Variants in MAPKAP1 observed in about 807,000 individuals in gnomAD.
MAPKAP1 encodes target of rapamycin complex 2 subunit MAPKAP1.
In MAPKAP1, 20 loss-of-function variants were observed where a neutral mutation model predicts 65.7. The ratio of observed to expected loss-of-function variants is 0.30; its 90% CI spans 0.21 to 0.44. MAPKAP1 has a LOEUF of 0.44. Ranked by LOEUF, MAPKAP1 falls within the 20% of genes least tolerant of loss-of-function variation. The pLI is 1.00. For synonymous variants in MAPKAP1, 222 were observed against 244.3 expected, an observed-to-expected ratio of 0.91 and a Z score of 0.85; for missense variants, 423 against 648.0, an observed-to-expected ratio of 0.65 and a Z score of 3.77.
intron 4 of MAPKAP1, among the ~76,000 whole-genome samples, chr9:125,589,511 A>G (rs1221597708): frequency 1.3e-5 from 2 of 152,184 alleles, no homozygotes; most frequent in African/African-American, 4.8e-5. Flanking sequence ...AGTAAATGTT[A>G]GTTTTCTCCA....
intron 6 of MAPKAP1, among the ~76,000 whole-genome samples, chr9:125,544,864 G>T (rs1335797770): frequency 6.6e-6 from 1 of 152,186 alleles, no homozygotes; most frequent in Non-Finnish European, 1.5e-5. Flanking sequence ...GCCTAGGTTG[G>T]ACCCAACTAG....
chr9:125,635,768 AAGG>A (rs1833405124), intron 4 of MAPKAP1, among the ~76,000 whole-genome samples: 1 of 152,210 alleles, frequency 6.6e-6, no homozygotes, highest in South Asian at 2.1e-4. Context: ...TCTGATTTTT[AAGG>A]TAAGTCTTTA....
chr9:125,485,171 T>A (rs1854458280), intron 8 of MAPKAP1, among the ~76,000 whole-genome samples: 1 of 152,330 alleles, frequency 6.6e-6, no homozygotes, highest in African/African-American at 2.4e-5. Flanking sequence ...TGGCTGTCTA[T>A]TGATAGACAT....
intron 3 of MAPKAP1, among the ~76,000 whole-genome samples, chr9:125,669,426 G>A (rs1469849528): frequency 6.6e-6 from 1 of 152,200 alleles, no homozygotes; most frequent in Non-Finnish European, 1.5e-5. Context: ...GCTGCAGTGA[G>A]CCAAGACCGT....
At chr9:125,537,110 T>TA (rs755064203) in intron 7 of MAPKAP1, among the ~76,000 whole-genome samples, 1 of 152,138 alleles carries the variant, frequency 6.6e-6, no homozygotes, top group Admixed American at 6.5e-5. Flanking sequence ...ATGGTACAAA[T>TA]AAAAAGAGTA....
At chr9:125,642,436 G>A (rs1335849048) in intron 4 of MAPKAP1, among the ~76,000 whole-genome samples, 1 of 152,052 alleles carries the variant, frequency 6.6e-6, no homozygotes, top group African/African-American at 2.4e-5. Context: ...AACAGAGTAT[G>A]GACAAAGCTG....
intron 4 of MAPKAP1, among the ~76,000 whole-genome samples, chr9:125,649,754 A>G (rs1833837737): frequency 6.6e-6 from 1 of 150,856 alleles, no homozygotes; most frequent in Non-Finnish European, 1.5e-5. Context: ...ATCTGTAGTC[A>G]GCAGGTCCAA....
intron 5 of MAPKAP1, among the ~76,000 whole-genome samples, chr9:125,581,463 A>G (rs1831623070): frequency 6.6e-6 from 1 of 152,180 alleles, no homozygotes; most frequent in African/African-American, 2.4e-5. Flanking sequence ...TCATGTGCTC[A>G]TCTGCCATCT....
At chr9:125,609,111 TC>T in intron 4 of MAPKAP1, among the ~76,000 whole-genome samples, 1 of 152,354 alleles carries the variant, frequency 6.6e-6, no homozygotes, top group African/African-American at 2.4e-5. Context: ...ATTTTTAAAT[TC>T]CTGTTAATTG....
chr9:125,644,500 TA>T (rs1271426341), intron 4 of MAPKAP1, among the ~76,000 whole-genome samples: 1 of 152,248 alleles, frequency 6.6e-6, no homozygotes, highest in African/African-American at 2.4e-5. Context: ...ACCATTAATG[TA>T]ATATCGAAGT....
intron 7 of MAPKAP1, among the ~76,000 whole-genome samples, chr9:125,509,707 A>G (rs539448771): frequency 6.6e-6 from 1 of 152,168 alleles, no homozygotes; most frequent in African/African-American, 2.4e-5. Context: ...GCTGGATTAT[A>G]TATAAGCTAC....
Position 125,468,042 on chromosome 9 carries a change from A to G in MAPKAP1, c.1275T>C (p.Ile425=). ...TNQKASTKFW[I]KQKPISIDSD... Reference sequence around the variant, plus strand: ...AATCGATTGAGATGGGTTTCTGCTTAATCCAAAACTTAGTGCTGGCTTTCT... The same window carrying G: ...AATCGATTGAGATGGGTTTCTGCTTGATCCAAAACTTAGTGCTGGCTTTCT... Residue 425 remains isoleucine, a synonymous_variant, in exon 10 of 12, where the codon ATT becomes ATC. Coordinates refer to ENST00000265960, the MANE Select transcript of MAPKAP1 (RefSeq NM_001006617.3). 1.2e-6 allele frequency: 2 copies of G among 1,614,212 alleles called. No individual in the cohort carries two copies. Among genetic ancestry groups the G allele is most frequent in the Non-Finnish European group, 1.7e-6 (2 of 1,180,018 alleles).
chr9:125,520,113 C>T (rs377678138), intron 7 of MAPKAP1, among the ~76,000 whole-genome samples: 17 of 152,190 alleles, frequency 1.1e-4, no homozygotes, highest in African/African-American at 3.9e-4. Context: ...GGGTAAGTTA[C>T]TTAGCCTTTC....
At chr9:125,457,890 C>G (rs1170331988) in intron 10 of MAPKAP1, among the ~76,000 whole-genome samples, 2 of 152,204 alleles carry the variant, frequency 1.3e-5, no homozygotes, top group African/African-American at 4.8e-5. Context: ...ATTCAAGGGG[C>G]TCTTTCTAGA....
At chr9:125,571,608 G>T (rs1286099937) in intron 5 of MAPKAP1, among the ~76,000 whole-genome samples, 3 of 152,146 alleles carry the variant, frequency 2.0e-5, no homozygotes, top group African/African-American at 7.2e-5. Flanking sequence ...TGTAATCCTA[G>T]CACTTTGGGA....
At chr9:125,445,499 C>T (rs932622964) in intron 10 of MAPKAP1, among the ~76,000 whole-genome samples, 1 of 152,270 alleles carries the variant, frequency 6.6e-6, no homozygotes, top group African/African-American at 2.4e-5. Flanking sequence ...CATAACCACA[C>T]TTCTAGGCGC....
intron 4 of MAPKAP1, chr9:125,599,782 T>C (rs969833429): frequency 1.3e-5 from 2 of 152,288 alleles, no homozygotes; most frequent in African/African-American, 4.8e-5. Context: ...TTTTGTATTT[T>C]TAGTAGAGAC....
chr9:125,703,254 G>A (rs988624097), intron 1 of MAPKAP1, among the ~76,000 whole-genome samples: 4 of 152,114 alleles, frequency 2.6e-5, no homozygotes, highest in African/African-American at 9.7e-5. Context: ...TGAGGAAGAT[G>A]CTCAAACAGA....
At chr9:125,519,346 C>T (rs1207987104) in intron 7 of MAPKAP1, among the ~76,000 whole-genome samples, 1 of 152,122 alleles carries the variant, frequency 6.6e-6, no homozygotes, top group East Asian at 1.9e-4. Context: ...ACTACAAAGA[C>T]TGTTTACAGC....
Sources: allele counts gnomAD v4.1 joint callset (sites outside exome capture counted in the v4.1 genomes callset), GRCh38; gene constraint gnomAD v4.1.1; transcripts MANE v1.5; gene names NCBI Gene and HGNC (gene_info 2026-07-23, HGNC 2026-07-21).